Variants in LARGE1 observed in about 807,000 individuals in gnomAD.
The protein encoded by LARGE1 is LARGE xylosyl- and glucuronyltransferase 1, also known as xylosyl- and glucuronyltransferase LARGE1.
LARGE1 carries 43 observed loss-of-function variants against 87.6 expected under a neutral mutation model. That is an observed-to-expected ratio of 0.49 (90% CI 0.38 to 0.63). LARGE1 has a LOEUF of 0.63. Among genes scored for constraint, LARGE1 ranks in the 30% least tolerant of loss-of-function variants. The probability of loss-of-function intolerance (pLI) is 0.00; values close to 1 mark genes in which losing one functional copy is unlikely to be tolerated. For missense variants in LARGE1, 802 were observed against 1,000.2 expected, an observed-to-expected ratio of 0.80 and a Z score of 2.67; for synonymous variants, 434 against 394.6, an observed-to-expected ratio of 1.10 and a Z score of -1.18.
chr22:33,409,598 A>C (rs1387440291), intron 7 of LARGE1, among the ~76,000 whole-genome samples: 2 of 152,124 alleles, frequency 1.3e-5, no homozygotes, highest in African/African-American at 4.8e-5. Flanking sequence ...GTTAATAATA[A>C]TAATAAAACG....
intron 11 of LARGE1, among the ~76,000 whole-genome samples, chr22:33,212,966 C>T (rs544082798): frequency 6.6e-6 from 1 of 150,636 alleles, no homozygotes; most frequent in South Asian, 2.1e-4. Context: ...TGCAGTGAGC[C>T]GAGATCGTGC....
At chr22:33,840,109 AG>A (rs2063233670) in intron 1 of LARGE1, among the ~76,000 whole-genome samples, 1 of 152,220 alleles carries the variant, frequency 6.6e-6, no homozygotes, top group Non-Finnish European at 1.5e-5. Flanking sequence ...ATGAATACGC[AG>A]GAAATGCACA....
intron 1 of LARGE1, among the ~76,000 whole-genome samples, chr22:33,903,943 C>T (rs531546923): frequency 2.0e-5 from 3 of 152,236 alleles, no homozygotes; most frequent in South Asian, 2.1e-4. Context: ...TGTTGACTGG[C>T]GCTGGTAGGG....
At chr22:33,136,867 G>A in the LARGE1 span, among the ~76,000 whole-genome samples, 2 of 152,094 alleles carry the variant, frequency 1.3e-5, no homozygotes, top group Non-Finnish European at 2.9e-5. Flanking sequence ...TCCAAGGTGG[G>A]TTGTTTTGAG....
chr22:33,918,911 C>A (rs1398755269), intron 1 of LARGE1, among the ~76,000 whole-genome samples: 1 of 82,812 alleles, frequency 1.2e-5, no homozygotes, highest in Admixed American at 1.2e-4. Flanking sequence ...CCTGATCTCC[C>A]CCCACTCCCT....
Position 33,170,930 on chromosome 22 carries a change from T to C in LARGE1, c.1731-4098A>G, listed in dbSNP as rs1326272636. On this transcript the variant is annotated intron_variant, in intron 11 of 11. Coordinates refer to the LARGE1 transcript ENST00000608642. ...AGAAGACAGGAAGATGTGGGAAAGT[T>C]TGGAACTTCCTAGAGACTTGTTGGA... is the stretch of plus-strand genomic sequence containing the variant. 2.6e-5 allele frequency among the ~76,000 whole-genome samples: 4 copies of C among 152,254 alleles called. No individual in the cohort carries two copies. The South Asian group carries it at 8.3e-4, about 32-fold the overall frequency.
the LARGE1 span, among the ~76,000 whole-genome samples, chr22:33,098,478 G>C: frequency 6.6e-6 from 1 of 152,050 alleles, no homozygotes; most frequent in Non-Finnish European, 1.5e-5. Context: ...AAAATTAGCG[G>C]GGTATGGTGG....
chr22:33,702,962 A>C (rs1440795446), intron 2 of LARGE1, among the ~76,000 whole-genome samples: 1 of 152,168 alleles, frequency 6.6e-6, no homozygotes, highest in Non-Finnish European at 1.5e-5. Context: ...TACCCTGGCA[A>C]AGAAGGCAGG....
Position 33,675,534 on chromosome 22 carries a change from A to G in LARGE1, c.107-24866T>C, listed in dbSNP as rs116721192. 3.8e-3 allele frequency among the ~76,000 whole-genome samples: 579 copies of G among 152,198 alleles called. 3 individuals are homozygous for G. Among genetic ancestry groups the G allele is most frequent in the African/African-American group, 0.014 (562 of 41,546 alleles). ...GGTTGATGTACTTGGGAAACAAAAA[A>G]CAACAAAATAAGACAAAACGAAGGC... On this transcript the variant is annotated intron_variant, in intron 2 of 14. Transcript: ENST00000397394.
At chr22:33,240,110 C>T (rs1398686932) in intron 11 of LARGE1, among the ~76,000 whole-genome samples, 1 of 152,162 alleles carries the variant, frequency 6.6e-6, no homozygotes, top group African/African-American at 2.4e-5. Flanking sequence ...TTTTACATTA[C>T]CACCAATAAT....
intron 5 of LARGE1, among the ~76,000 whole-genome samples, chr22:33,583,472 C>T (rs1488951187): frequency 6.6e-6 from 1 of 152,150 alleles, no homozygotes; most frequent in Non-Finnish European, 1.5e-5. Flanking sequence ...ACTTGAAAAC[C>T]TTAAGGTCAG....
At chr22:33,533,360 C>G (rs1233081782) in intron 6 of LARGE1, among the ~76,000 whole-genome samples, 2 of 152,162 alleles carry the variant, frequency 1.3e-5, no homozygotes, top group African/African-American at 4.8e-5. Context: ...CTATTCATAT[C>G]AGCTGGGTTC....
At chr22:33,232,947 G>A (rs1926081698) in intron 11 of LARGE1, among the ~76,000 whole-genome samples, 1 of 152,182 alleles carries the variant, frequency 6.6e-6, no homozygotes, top group South Asian at 2.1e-4. Context: ...CTGTGCTTAT[G>A]CCTCTTGTGG....
At chr22:33,560,578 C>G (rs1367709982) in intron 6 of LARGE1, among the ~76,000 whole-genome samples, 1 of 152,136 alleles carries the variant, frequency 6.6e-6, no homozygotes, top group Non-Finnish European at 1.5e-5. Context: ...CAACAGCCTC[C>G]CCAAATGACA....
chr22:33,121,398 A>T, the LARGE1 span, among the ~76,000 whole-genome samples: 2 of 152,198 alleles, frequency 1.3e-5, no homozygotes, highest in African/African-American at 2.4e-5. Flanking sequence ...TTTAGGGTTA[A>T]GAATGCCTGT....
At chr22:33,830,859 T>C (rs3819673) in intron 1 of LARGE1, among the ~76,000 whole-genome samples, 1 of 152,182 alleles carries the variant, frequency 6.6e-6, no homozygotes, top group Non-Finnish European at 1.5e-5. Context: ...TGCCCTCACG[T>C]AGAAGAAGAG....
At chr22:33,514,732 TTAGTCGGC>T (rs2071219726) in intron 6 of LARGE1, among the ~76,000 whole-genome samples, 1 of 152,208 alleles carries the variant, frequency 6.6e-6, no homozygotes, top group South Asian at 2.1e-4. Context: ...TAGCCTTCTT[TTAGTCGGC>T]TAGTCTACAC....
At chr22:33,186,958 G>T (rs137396) in intron 11 of LARGE1, among the ~76,000 whole-genome samples, 3 of 151,904 alleles carry the variant, frequency 2.0e-5, no homozygotes, top group Admixed American at 2.0e-4. Flanking sequence ...AACATGGTGG[G>T]TTCATGAATT....
intron 11 of LARGE1, among the ~76,000 whole-genome samples, chr22:33,241,573 T>C: frequency 6.8e-6 from 1 of 146,740 alleles, no homozygotes; most frequent in African/African-American, 2.7e-5. Context: ...TGTGTATATA[T>C]GTGTGTATAT....
Sources: gnomAD v4.1 joint callset for allele counts (sites outside exome capture counted in the v4.1 genomes callset) on GRCh38, gnomAD v4.1.1 for gene constraint, MANE v1.5 for transcripts, NCBI Gene and HGNC (gene_info 2026-07-23, HGNC 2026-07-21) for gene names.